The following LARP4B variants were observed in gnomAD, a reference collection of about 807,000 sequenced individuals.
LARP4B encodes the protein la-related protein 4B.
LARP4B carries 12 observed loss-of-function variants against 89.8 expected under a neutral mutation model. The observed-to-expected ratio is 0.13, with a 90% confidence interval of 0.09 to 0.22. The LOEUF is 0.22. Among genes scored for constraint, LARP4B ranks in the 10% least tolerant of loss-of-function variants. LARP4B has a pLI of 1.00. For missense variants in LARP4B, 757 were observed against 947.7 expected, an observed-to-expected ratio of 0.80 and a Z score of 2.64; for synonymous variants, 367 against 363.3, an observed-to-expected ratio of 1.01 and a Z score of -0.12.
At chr10:890,012 A>G (rs1434557435) in intron 1 of LARP4B, among the ~76,000 whole-genome samples, 1 of 152,232 alleles carries the variant, frequency 6.6e-6, no homozygotes, top group Admixed American at 6.5e-5. Flanking sequence ...GTCTGACTTC[A>G]AGGCATTTCT....
chr10:897,202 C>T (rs1371623932), intron 1 of LARP4B, among the ~76,000 whole-genome samples: 1 of 152,054 alleles, frequency 6.6e-6, no homozygotes, highest in South Asian at 2.1e-4. Flanking sequence ...ACAATAGAAA[C>T]GAGAGTCCAG....
At chr10:900,531 G>A (rs1367672874) in intron 1 of LARP4B, among the ~76,000 whole-genome samples, 1 of 133,908 alleles carries the variant, frequency 7.5e-6, no homozygotes, top group Non-Finnish European at 1.5e-5. Flanking sequence ...GACCTTCTGG[G>A]TCCAAGTGAT....
intron 7 of LARP4B, among the ~76,000 whole-genome samples, chr10:840,565 T>G (rs998161521): frequency 2.0e-5 from 3 of 152,252 alleles, no homozygotes; most frequent in Non-Finnish European, 2.9e-5. Flanking sequence ...TAACACAACG[T>G]ATTTATTCTG....
chr10:965,036 G>A, the LARP4B span, among the ~76,000 whole-genome samples: 5 of 152,236 alleles, frequency 3.3e-5, no homozygotes, highest in African/African-American at 7.2e-5. Context: ...GCTGAGGCCC[G>A]AGAGGGCTGC....
At chr10:873,389 A>G (rs1412657459) in intron 3 of LARP4B, 1 of 985,298 alleles carries the variant, frequency 1.0e-6, no homozygotes, top group Non-Finnish European at 1.2e-6. Context: ...AGCTCAGAAC[A>G]GCAGCAAGAA....
the LARP4B span, among the ~76,000 whole-genome samples, chr10:976,752 T>C: frequency 2.0e-5 from 3 of 148,118 alleles, no homozygotes; most frequent in Non-Finnish European, 3.0e-5. Context: ...GGTAGGCCTG[T>C]CGTGTAATGT....
chr10:895,705 C>T (rs575759645), intron 1 of LARP4B, among the ~76,000 whole-genome samples: 3 of 146,052 alleles, frequency 2.1e-5, no homozygotes, highest in African/African-American at 7.5e-5. Context: ...AAAGTAGAAA[C>T]GAATGCAGTA....
intron 1 of LARP4B, among the ~76,000 whole-genome samples, chr10:909,411 T>C (rs1157689541): frequency 3.3e-5 from 5 of 151,888 alleles, no homozygotes; most frequent in Admixed American, 2.0e-4. Flanking sequence ...CAGACCAGAA[T>C]TGTTTCCCAG....
At chr10:907,689 G>T (rs77173757) in intron 1 of LARP4B, among the ~76,000 whole-genome samples, 1 of 152,130 alleles carries the variant, frequency 6.6e-6, no homozygotes, top group Non-Finnish European at 1.5e-5. Context: ...AAAATCCCTG[G>T]AATCTCCCAA....
downstream of LARP4B, chr10:808,987 A>G (rs1327073794): frequency 6.6e-6 from 1 of 152,246 alleles, no homozygotes; most frequent in Non-Finnish European, 1.5e-5. Flanking sequence ...GCCTTAACAG[A>G]TCAAGAATAT....
At chr10:863,519 G>A (rs1218288530) in intron 5 of LARP4B, among the ~76,000 whole-genome samples, 2 of 151,996 alleles carry the variant, frequency 1.3e-5, no homozygotes, top group African/African-American at 4.8e-5. Flanking sequence ...GTGAGCCCCC[G>A]CGCCCGGCCC....
At chr10:821,911 C>T (rs1235832206) in intron 13 of LARP4B, among the ~76,000 whole-genome samples, 5 of 152,200 alleles carry the variant, frequency 3.3e-5, no homozygotes, top group Non-Finnish European at 5.9e-5. Context: ...TGGATGAGTA[C>T]TGAGCCACAG....
the LARP4B span, among the ~76,000 whole-genome samples, chr10:949,382 T>C: frequency 2.1e-5 from 3 of 146,316 alleles, no homozygotes; most frequent in Admixed American, 6.8e-5. Context: ...ACCAGCCCCG[T>C]GTGAGTGAGT....
At chr10:875,408 C>G (rs890636139) in intron 3 of LARP4B, among the ~76,000 whole-genome samples, 1 of 152,220 alleles carries the variant, frequency 6.6e-6, no homozygotes, top group Non-Finnish European at 1.5e-5. Flanking sequence ...TCTATGATCT[C>G]GGCTTCTAAG....
chr10:859,645 G>A (rs1834489283), intron 5 of LARP4B, among the ~76,000 whole-genome samples: 1 of 152,188 alleles, frequency 6.6e-6, no homozygotes, highest in Non-Finnish European at 1.5e-5. Context: ...TTCAGTAGGT[G>A]AATGACTAAG....
intron 7 of LARP4B, among the ~76,000 whole-genome samples, chr10:840,812 T>C (rs550341948): frequency 6.6e-6 from 1 of 152,358 alleles, no homozygotes; most frequent in South Asian, 2.1e-4. Context: ...ATCAAATATC[T>C]GCTGTGTGTC....
At chr10:877,648 G>C (rs1490238368) in intron 3 of LARP4B, among the ~76,000 whole-genome samples, 1 of 152,180 alleles carries the variant, frequency 6.6e-6, no homozygotes, top group Non-Finnish European at 1.5e-5. Context: ...GTACCTAGGG[G>C]TAAGACAGGT....
At chr10:866,801 T>C (rs965649522) in intron 3 of LARP4B, among the ~76,000 whole-genome samples, 1 of 152,244 alleles carries the variant, frequency 6.6e-6, no homozygotes, top group Non-Finnish European at 1.5e-5. Flanking sequence ...TTGACTGTCC[T>C]ATAGTACCAA....
At chr10:844,631 A>G (rs1438163057) in intron 6 of LARP4B, among the ~76,000 whole-genome samples, 1 of 152,198 alleles carries the variant, frequency 6.6e-6, no homozygotes, top group East Asian at 1.9e-4. Context: ...TTATATAAAT[A>G]AAACAACTTG....
Sources: gnomAD v4.1 joint callset for allele counts (sites outside exome capture counted in the v4.1 genomes callset) on GRCh38, gnomAD v4.1.1 for gene constraint, MANE v1.5 for transcripts, NCBI Gene and HGNC (gene_info 2026-07-23, HGNC 2026-07-21) for gene names.